The following TBCD variants were observed in gnomAD, a reference collection of about 807,000 sequenced individuals.
The protein encoded by TBCD is tubulin folding cofactor D.
In TBCD, 105 loss-of-function variants were observed where a neutral mutation model predicts 169.3. That is an observed-to-expected ratio of 0.62 (90% CI 0.53 to 0.73). TBCD has a LOEUF of 0.73. Among genes scored for constraint, TBCD ranks in the 30% least tolerant of loss-of-function variants. The pLI is 0.00. For synonymous variants in TBCD, 700 were observed against 643.9 expected (o/e 1.09, Z -1.32); for missense variants, 1,444 against 1,600.1 (o/e 0.90, Z 1.66).
chr17:82,788,008 A>C (rs2049433714), intron 7 of TBCD, among the ~76,000 whole-genome samples: 1 of 152,228 alleles, frequency 6.6e-6, no homozygotes, highest in Non-Finnish European at 1.5e-5. Flanking sequence ...AGGCCGAGGC[A>C]GGTGGATCAC....
chr17:82,830,432 C>T (rs924779376), intron 13 of TBCD: 4 of 1,611,674 alleles, frequency 2.5e-6, no homozygotes, highest in Non-Finnish European at 2.5e-6. Flanking sequence ...TTCTGCTCCT[C>T]GCTGCTGTCC....
At chr17:82,865,425 C>A (rs1256936609) in intron 13 of TBCD, 1 of 978,150 alleles carries the variant, frequency 1.0e-6, no homozygotes, top group African/African-American at 1.8e-5. Context: ...CTGCAGGGGC[C>A]TGAGCAGTCG....
At chr17:82,908,415 T>C in intron 21 of TBCD, 1 of 456,608 alleles carries the variant, frequency 2.2e-6, no homozygotes, top group Non-Finnish European at 4.4e-6. Flanking sequence ...TGAGAGATTC[T>C]CAAAGGCTTC....
chr17:82,778,723 G>T (rs1478921364), intron 6 of TBCD, among the ~76,000 whole-genome samples: 5 of 61,490 alleles, frequency 8.1e-5, no homozygotes, highest in African/African-American at 3.7e-4. Context: ...GTGCAATGGC[G>T]TGATCTCAGC....
At chr17:82,868,360 GGTGTCTGGCA>G (rs1440165180) in intron 13 of TBCD, among the ~76,000 whole-genome samples, 2 of 152,166 alleles carry the variant, frequency 1.3e-5, no homozygotes, top group Non-Finnish European at 2.9e-5. Flanking sequence ...GGGAGACCTT[GGTGTCTGGCA>G]GGGACCCCGG....
intron 13 of TBCD, among the ~76,000 whole-genome samples, chr17:82,824,110 T>A (rs1166096208): frequency 3.3e-5 from 5 of 152,198 alleles, no homozygotes. Context: ...ATCAGAATTT[T>A]CTTTCTTTTA....
At chr17:82,854,165 A>G (rs933867065) in intron 13 of TBCD, among the ~76,000 whole-genome samples, 1 of 152,226 alleles carries the variant, frequency 6.6e-6, no homozygotes, top group African/African-American at 2.4e-5. Flanking sequence ...TTAACATTAG[A>G]CATTACAGGT....
intron 37 of TBCD, among the ~76,000 whole-genome samples, chr17:82,941,056 G>A (rs987876329): frequency 1.3e-5 from 2 of 152,166 alleles, no homozygotes; most frequent in African/African-American, 4.8e-5. Flanking sequence ...TTTTTATTTC[G>A]CATCAACAGC....
At chr17:82,900,219 CT>C (rs1328854422) in intron 17 of TBCD, among the ~76,000 whole-genome samples, 1 of 152,182 alleles carries the variant, frequency 6.6e-6, no homozygotes, top group Non-Finnish European at 1.5e-5. Flanking sequence ...CCTGAGGCCC[CT>C]GATCTGCCTC....
At chr17:82,817,404 T>G (rs559740230) in intron 13 of TBCD, among the ~76,000 whole-genome samples, 1 of 152,326 alleles carries the variant, frequency 6.6e-6, no homozygotes, top group South Asian at 2.1e-4. Flanking sequence ...TCAGGCGGTC[T>G]GCCTACCTCA....
At chr17:82,881,662 G>A (rs963147592) in intron 14 of TBCD, among the ~76,000 whole-genome samples, 2 of 152,214 alleles carry the variant, frequency 1.3e-5, no homozygotes, top group African/African-American at 4.8e-5. Context: ...TGATGTCGTT[G>A]TGGAGCCCGC....
At chr17:82,866,153 C>T (rs1599042869) in intron 13 of TBCD, among the ~76,000 whole-genome samples, 1 of 152,202 alleles carries the variant, frequency 6.6e-6, no homozygotes, top group Non-Finnish European at 1.5e-5. Flanking sequence ...TTCCACACGC[C>T]CCTCCCCGAG....
At chr17:82,784,803 T>C (rs2049185113) in intron 7 of TBCD, among the ~76,000 whole-genome samples, 1 of 152,150 alleles carries the variant, frequency 6.6e-6, no homozygotes, top group African/African-American at 2.4e-5. Flanking sequence ...AAGTATGACA[T>C]GCGTGTGGAA....
Position 82,915,064 on chromosome 17 carries a change from C to A in TBCD, c.2038+3275C>A, listed in dbSNP as rs1486878582. On this transcript the variant is annotated intron_variant, in intron 23 of 38. Coordinates refer to ENST00000355528, the MANE Select transcript of TBCD (RefSeq NM_005993.5). This position sits in a 1 kb window ranked among gnomAD's most constrained non-coding sequence, Gnocchi z 4.3. Reference sequence around the variant, plus strand: ...TGATATCCTTAGTTTTAGATGTGTTCTTTCAAGTGAGACAAGACTCCAAGC... The same window carrying A: ...TGATATCCTTAGTTTTAGATGTGTTATTTCAAGTGAGACAAGACTCCAAGC... Among the ~76,000 whole-genome samples the A allele has an allele frequency of 6.6e-6, 1 of 152,154 alleles. No homozygotes were observed. Among genetic ancestry groups the A allele is most frequent in the Non-Finnish European group, 1.5e-5 (1 of 68,032 alleles).
intron 9 of TBCD, among the ~76,000 whole-genome samples, chr17:82,802,115 T>TCTTTTTTTTTTTTTTTTTCCCAAGG: frequency 6.9e-6 from 1 of 145,324 alleles, no homozygotes; most frequent in African/African-American, 2.5e-5. Flanking sequence ...AGGCTCCCTT[T>TCTTTTTTTTTTTTTTTTTCCCAAGG]CAAAGACTGT....
chr17:82,894,111 T>G (rs573409928), intron 17 of TBCD, among the ~76,000 whole-genome samples: 1 of 152,356 alleles, frequency 6.6e-6, no homozygotes, highest in African/African-American at 2.4e-5. Context: ...ATAGGAAGTG[T>G]TTTGAAGTTG....
At chr17:82,760,086 A>G (rs2047675708) in intron 2 of TBCD, among the ~76,000 whole-genome samples, 1 of 151,414 alleles carries the variant, frequency 6.6e-6, no homozygotes, top group African/African-American at 2.4e-5. Context: ...GTTGGCCAGG[A>G]TAGTCTCGAA....
chr17:82,808,834 G>C (rs929180212), intron 11 of TBCD, among the ~76,000 whole-genome samples: 1 of 150,714 alleles, frequency 6.6e-6, no homozygotes, highest in Non-Finnish European at 1.5e-5. Context: ...GCTGTGGAAG[G>C]GATGAAGCAG....
intron 17 of TBCD, 195 bp from the exon 18 acceptor site, chr17:82,900,456 G>A (rs1010102421): frequency 5.4e-6 from 3 of 553,496 alleles, no homozygotes; most frequent in South Asian, 4.7e-5. Context: ...CTGTGTGCAC[G>A]TTTGTGTAAA....
Sources: gnomAD v4.1 joint callset for allele counts (sites outside exome capture counted in the v4.1 genomes callset) on GRCh38, gnomAD v4.1.1 for gene constraint, Gnocchi (gnomAD v3.1) non-coding constraint, MANE v1.5 for transcripts, NCBI Gene and HGNC (gene_info 2026-07-23, HGNC 2026-07-21) for gene names.